DRC7: variants seen among roughly 807,000 people sequenced by gnomAD.
The protein encoded by DRC7 is coiled-coil domain containing 135.
DRC7 carries 80 observed loss-of-function variants against 104.4 expected under a neutral mutation model. The ratio of observed to expected loss-of-function variants is 0.77; its 90% CI spans 0.64 to 0.92. The LOEUF (loss-of-function observed/expected upper bound fraction) is 0.92. DRC7 is among the 40% of genes least tolerant of loss of function. DRC7 has a pLI of 0.00. For synonymous variants in DRC7, 405 were observed against 447.3 expected (o/e 0.91, Z 1.19); for missense variants, 1,034 against 1,141.1 (o/e 0.91, Z 1.35).
intron 8 of DRC7, chr16:57,714,728 C>A: frequency 1.6e-5 from 4 of 246,598 alleles, no homozygotes; most frequent in Non-Finnish European, 8.0e-6. Flanking sequence ...GATGTCACAG[C>A]ACTGTTTGCC....
intron 1 of DRC7, among the ~76,000 whole-genome samples, chr16:57,695,858 G>T (rs567398450): frequency 1.3e-5 from 2 of 152,352 alleles, no homozygotes; most frequent in South Asian, 2.1e-4. Context: ...CCCCAACCAG[G>T]CTCAGTCGTG....
Position 57,731,317 on chromosome 16 carries a change from T to C in DRC7, c.*59T>C. ...AGAAAGGAAACCTCTTCCCGCAGCC[T>C]GGCTCCTGTGTTCCCTCTATCCAGC... On this transcript the variant is annotated 3_prime_UTR_variant, in exon 19 of 19. Transcript: ENST00000360716. 7.3e-7 allele frequency: 1 copy of C among 1,377,640 alleles called. No individual in the cohort carries two copies. The highest frequency in any genetic ancestry group is 1.0e-6 in the Non-Finnish European group (1 of 973,098). The allele number at this position is 1,377,640 out of a possible 1,614,324, so 85.3% of individuals were successfully genotyped here. A position where few individuals can be genotyped will look rare whatever the true frequency, so the allele number is the denominator to read the frequency against.
rs570401709 is a variant in DRC7 at position 57,698,152 on chromosome 16, C to G, written c.203C>G (p.Pro68Arg). 6.2e-7 allele frequency: 1 copy of G among 1,613,934 alleles called. No homozygotes were observed. Among genetic ancestry groups the G allele is most frequent in the Non-Finnish European group, 8.5e-7 (1 of 1,179,978 alleles). ...EIQITVSAELPAFTKDTIDIS... is the reference protein window; with the variant it reads ...EIQITVSAELRAFTKDTIDIS... ...CAGATCACTGTCTCAGCGGAGCTCC[C>G]GTGAGTGTGGCAGGGTGGGGGCCCT... is the stretch of plus-strand genomic sequence containing the variant. Residue 68 changes from proline (P) to arginine (R), a missense_variant and splice_region_variant, in exon 3 of 19, where the codon CCG (proline) becomes CGG (arginine). By Grantham distance (103) the Pro-to-Arg change is moderately radical (BLOSUM62 -2). Transcript: ENST00000360716.
intron 10 of DRC7, among the ~76,000 whole-genome samples, chr16:57,722,247 A>G (rs1319691037): frequency 6.6e-6 from 1 of 152,160 alleles, no homozygotes; most frequent in African/African-American, 2.4e-5. Context: ...AGAGGCTGTC[A>G]TGGGAACCCA....
In DRC7 at chr16:57,700,136, T is replaced by C. The variant is rs369747700; in HGVS notation, c.379-9T>C. On this transcript the variant is annotated splice_polypyrimidine_tract_variant and intron_variant, in intron 4 of 18. Coordinates refer to ENST00000360716, the MANE Select transcript of DRC7 (RefSeq NM_001289162.2). ...CTTGACCCCACTGGCACCATCTCTC[T>C]CCTTGCAGAAGTTCGTGAGCACAAC... 6.2e-7 allele frequency: 1 copy of C among 1,612,968 alleles called. No individual in the cohort carries two copies. The highest frequency in any genetic ancestry group is 1.3e-5 in the African/African-American group (1 of 74,898).
At chr16:57,701,911 G>C in intron 5 of DRC7, 25 bp from the exon 6 acceptor site, 1 of 1,605,806 alleles carries the variant, frequency 6.2e-7, no homozygotes. Flanking sequence ...GGCCCCAGCT[G>C]TGCTGACCGT....
rs999382151 is a variant in DRC7, at chr16:57,698,027, G to A, written c.78G>A (p.Ala26=). ...AGGCGGCCGAGTGGGCTGAATGGGC[G>A]AGGATGGAGAAAATGATGAGGCCAG... The part of the protein sequence containing the change: ...REEAAEWAEW[A]RMEKMMRPVE... Residue 26 remains alanine (A), a synonymous_variant, in exon 3 of 19, where the codon GCG becomes GCA. Transcript: ENST00000360716. 1.1e-5 allele frequency: 17 copies of A among 1,614,022 alleles called. No individual in the cohort carries two copies. Among genetic ancestry groups the A allele is most frequent in the South Asian group, 6.6e-5 (6 of 91,070 alleles).
At chr16:57,724,584 T>C (rs1291314146) in intron 12 of DRC7, 31 bp from the exon 13 acceptor site, 1 of 1,521,208 alleles carries the variant, frequency 6.6e-7, no homozygotes. Flanking sequence ...CTTATGAAGC[T>C]GTCTCCTCCC....
At chr16:57,706,294 A>T (rs111067750) in intron 7 of DRC7, among the ~76,000 whole-genome samples, 13,815 of 122,016 alleles carry the variant, frequency 0.11, 930 homozygotes, top group African/African-American at 0.22. Context: ...TCTCCCATCC[A>T]TCCTCCCACC....
rs191194167 is a variant in DRC7, at chr16:57,699,092, G to A, written c.378+68G>A. ...TGGAGAGCAGAGGGCACAGGGAAGT[G>A]GGGCAGGTTCTCCAAGGTCACTGGG... On this transcript the variant is annotated intron_variant, in intron 4 of 18. Coordinates refer to ENST00000360716, the MANE Select transcript of DRC7 (RefSeq NM_001289162.2). 8 of 1,553,850 alleles carry A rather than the reference G, an allele frequency of 5.1e-6. 1 individual carries two copies. The Admixed American group carries it at 7.3e-5, about 14-fold the overall frequency.
intron 12 of DRC7, 117 bp from the exon 13 acceptor site, chr16:57,724,498 C>T (rs2048940665): frequency 3.1e-6 from 2 of 655,662 alleles, no homozygotes. Context: ...CATAGCTAAC[C>T]TCATCCATAA....
intron 8 of DRC7, among the ~76,000 whole-genome samples, chr16:57,717,313 C>T (rs2048853870): frequency 6.9e-6 from 1 of 144,386 alleles, no homozygotes; most frequent in Non-Finnish European, 1.5e-5. Flanking sequence ...CAGCTCGCTG[C>T]AGCCTCAACT....
intron 6 of DRC7, among the ~76,000 whole-genome samples, chr16:57,702,391 G>T (rs2048669447): frequency 6.6e-6 from 1 of 152,168 alleles, no homozygotes. Context: ...TCAGTTTTCA[G>T]CTACTATGCT....
At chr16:57,707,266 A>G (rs1281139045) in intron 7 of DRC7, among the ~76,000 whole-genome samples, 194 bp from the exon 8 acceptor site, 2 of 152,066 alleles carry the variant, frequency 1.3e-5, no homozygotes, top group Non-Finnish European at 2.9e-5. Flanking sequence ...AGACTCTCCC[A>G]TTGTTTTGAT....
intron 12 of DRC7, among the ~76,000 whole-genome samples, chr16:57,724,135 C>A (rs1169676088): frequency 4.0e-5 from 6 of 151,872 alleles, no homozygotes; most frequent in African/African-American, 1.5e-4. Flanking sequence ...CATGGTGAAA[C>A]CCCGTTTCTA....
At chr16:57,719,531 G>A (rs1384893762) in intron 9 of DRC7, among the ~76,000 whole-genome samples, 1 of 151,440 alleles carries the variant, frequency 6.6e-6, no homozygotes, top group Non-Finnish European at 1.5e-5. Flanking sequence ...TTTTTTTTGA[G>A]ACAGGGTCTC....
At chr16:57,710,316 C>A (rs1419195331) in intron 8 of DRC7, among the ~76,000 whole-genome samples, 1 of 152,078 alleles carries the variant, frequency 6.6e-6, no homozygotes, top group African/African-American at 2.4e-5. Flanking sequence ...TCTGACTATT[C>A]TTTGTTAGTG....
intron 2 of DRC7, 64 bp from the exon 3 acceptor site, chr16:57,697,849 T>G: frequency 1.3e-6 from 2 of 1,511,588 alleles, no homozygotes; most frequent in Non-Finnish European, 1.8e-6. Flanking sequence ...GATGCCCAGA[T>G]GGTGTTGGTG....
Position 57,696,548 on chromosome 16 carries a change from C to T in DRC7, c.-84C>T, listed in dbSNP as rs1013703176. ...TCAAACCAGGCACACTGCTGCCCCC[C>T]ACACAACTGGGGTTCTGCCGTATAG... On this transcript the variant is annotated 5_prime_UTR_variant, in exon 2 of 19. Transcript: ENST00000360716. 6.6e-6 allele frequency: 1 copy of T among 152,312 alleles called. No homozygotes were observed. Among genetic ancestry groups the T allele is most frequent in the Non-Finnish European group, 1.5e-5 (1 of 68,114 alleles). The allele number at this position is 152,312 out of a possible 1,614,324, so 9.4% of individuals were successfully genotyped here.
Sources: gnomAD v4.1 joint callset for allele counts (sites outside exome capture counted in the v4.1 genomes callset) on GRCh38, gnomAD v4.1.1 for gene constraint, MANE v1.5 for transcripts, NCBI Gene and HGNC (gene_info 2026-07-23, HGNC 2026-07-21) for gene names.